SLC38A9: variants seen among roughly 807,000 people sequenced by gnomAD.
SLC38A9 encodes the protein solute carrier family 38 member 9.
In SLC38A9, 48 loss-of-function variants were observed where a neutral mutation model predicts 62.3. The ratio of observed to expected loss-of-function variants is 0.77; its 90% CI spans 0.61 to 0.98. The LOEUF (loss-of-function observed/expected upper bound fraction) is 0.98. Ranked by LOEUF, SLC38A9 falls within the 50% of genes least tolerant of loss-of-function variation. SLC38A9 has a pLI of 0.00. For synonymous variants in SLC38A9, 204 were observed against 227.7 expected, an observed-to-expected ratio of 0.90 and a Z score of 0.94; for missense variants, 541 against 679.8, an observed-to-expected ratio of 0.80 and a Z score of 2.27.
At position 55,649,287 on chromosome 5, in the gene SLC38A9, A is replaced by G. The variant is rs757597656; in HGVS notation, c.980T>C (p.Phe327Ser). ...GCGAACAGCCTTAAAGGTGACAAGG[A>G]AAATCAAATAAAGGACAGACACTGT... ...LGTVSVLYLI[F>S]LVTFKAVRLG... The change falls in exon 11 of 16, where the codon TTC (phenylalanine) becomes TCC (serine). Residue 327 changes from phenylalanine (F) to serine (S), a missense_variant. Physicochemically the swap from Phe to Ser is radical, Grantham distance 155. Transcript: ENST00000396865. 12 of 1,607,726 alleles carry G rather than the reference A, an allele frequency of 7.5e-6. No individual in the cohort carries two copies. Among genetic ancestry groups the G allele is most frequent in the African/African-American group, 1.3e-5 (1 of 74,786 alleles).
At chr5:55,692,229 G>A (rs1349722927) in intron 3 of SLC38A9, among the ~76,000 whole-genome samples, 3 of 152,100 alleles carry the variant, frequency 2.0e-5, no homozygotes. Context: ...GCTGGGTTGA[G>A]GCTAAATTAA....
At chr5:55,634,434 A>C (rs1744015973) in intron 13 of SLC38A9, 1 of 152,220 alleles carries the variant, frequency 6.6e-6, no homozygotes, top group Non-Finnish European at 1.5e-5. Context: ...AAAAGGATTT[A>C]TCTCTACTTC....
At chr5:55,630,308 TTTTG>T (rs1272417536) in intron 14 of SLC38A9, among the ~76,000 whole-genome samples, 8 of 152,082 alleles carry the variant, frequency 5.3e-5, no homozygotes, top group Admixed American at 2.0e-4. Flanking sequence ...TAAAGGGTTT[TTTTG>T]TTTGTTTGTT....
At chr5:55,652,425 G>T in intron 10 of SLC38A9, 104 bp downstream of exon 10, 1 of 397,580 alleles carries the variant, frequency 2.5e-6, no homozygotes, top group Non-Finnish European at 4.3e-6. Flanking sequence ...ATTAAACACA[G>T]ATGAACAGGC....
Position 55,645,843 on chromosome 5 carries a change from A to T in SLC38A9, c.1113T>A (p.Phe371Leu), listed in dbSNP as rs780690342. 16 of 1,610,958 alleles carry T rather than the reference A, an allele frequency of 9.9e-6. No individual in the cohort carries two copies. The South Asian group carries it at 1.1e-4, about 11-fold the overall frequency. The stretch of plus-strand genomic sequence containing the variant: ...AGAGTGTGATGATACAATTATGAAT[A>T]AAAAAAGCAAGGGTAAGCACTCCAG... ...QLTGVLTLAF[F>L]IHNCIITLLK... The change falls in exon 12 of 16, where the codon TTT (phenylalanine) becomes TTA (leucine). Residue 371 changes from phenylalanine (F) to leucine (L), a missense_variant. Coordinates refer to ENST00000396865, the MANE Select transcript of SLC38A9 (RefSeq NM_173514.4).
chr5:55,701,453 T>C (rs1375113618), intron 2 of SLC38A9, among the ~76,000 whole-genome samples: 1 of 152,246 alleles, frequency 6.6e-6, no homozygotes, highest in African/African-American at 2.4e-5. Flanking sequence ...TTTCTCACAG[T>C]CCACATTCAA....
intron 9 of SLC38A9, among the ~76,000 whole-genome samples, chr5:55,655,002 T>G (rs899228920): frequency 6.6e-6 from 1 of 152,090 alleles, no homozygotes; most frequent in Non-Finnish European, 1.5e-5. Context: ...TATGGCCAGC[T>G]AATTAAAAAT....
At chr5:55,669,664 C>T (rs1163998610) in intron 5 of SLC38A9, 44 bp from the exon 6 acceptor site, 2 of 1,591,204 alleles carry the variant, frequency 1.3e-6, no homozygotes, top group Admixed American at 1.8e-5. Flanking sequence ...GAGTTTCACT[C>T]TTCAAACATT....
At chr5:55,674,252 T>C (rs1329765963) in intron 3 of SLC38A9, among the ~76,000 whole-genome samples, 2 of 152,192 alleles carry the variant, frequency 1.3e-5, no homozygotes, top group Admixed American at 6.5e-5. Context: ...AGAGCACTTA[T>C]AGAGCAAATA....
intron 3 of SLC38A9, among the ~76,000 whole-genome samples, chr5:55,677,864 C>G: frequency 6.6e-6 from 1 of 151,258 alleles, no homozygotes; most frequent in Non-Finnish European, 1.5e-5. Context: ...TCTCCTTCCC[C>G]CAACAGAGAA....
chr5:55,639,171 G>C (rs1437609484), intron 12 of SLC38A9, among the ~76,000 whole-genome samples: 1 of 151,808 alleles, frequency 6.6e-6, no homozygotes, highest in African/African-American at 2.4e-5. Context: ...TACTTGGGAG[G>C]CTGAGGCAGG....
At chr5:55,693,027 G>C in intron 3 of SLC38A9, 1 of 983,226 alleles carries the variant, frequency 1.0e-6, no homozygotes, top group Non-Finnish European at 1.2e-6. Flanking sequence ...ATCAAGATTA[G>C]CTTAAACCAA....
rs899119355 is a variant in SLC38A9, at chr5:55,683,902, C to T, written c.114-11207G>A. On this transcript the variant is annotated intron_variant, in intron 3 of 15. Transcript: ENST00000396865. ...TGCATACATTTTTACTGATTATAAACGTGGTGTATACTCAATGGTAGCAGA... is the reference window on the plus strand; with the variant it reads ...TGCATACATTTTTACTGATTATAAATGTGGTGTATACTCAATGGTAGCAGA... Among the ~76,000 whole-genome samples the T allele has an allele frequency of 5.3e-5, 8 of 152,228 alleles. 1 individual carries two copies. The East Asian group carries it at 1.3e-3, about 26-fold the overall frequency.
chr5:55,653,005 C>T (rs972318822), intron 9 of SLC38A9, among the ~76,000 whole-genome samples: 12 of 152,056 alleles, frequency 7.9e-5, no homozygotes, highest in East Asian at 7.7e-4. Flanking sequence ...CTCGCTCTGT[C>T]GCCCAGGCTG....
At chr5:55,629,300 C>T (rs1156585553) in intron 14 of SLC38A9, among the ~76,000 whole-genome samples, 1 of 152,076 alleles carries the variant, frequency 6.6e-6, no homozygotes, top group Non-Finnish European at 1.5e-5. Flanking sequence ...AAGGCTTGAA[C>T]TTCTGGGCTC....
chr5:55,656,808 G>T, intron 8 of SLC38A9, 34 bp from the exon 9 acceptor site: 1 of 1,116,764 alleles, frequency 9.0e-7, no homozygotes, highest in South Asian at 1.4e-5. Flanking sequence ...GTTTAACACT[G>T]AATGAAAGAC....
intron 3 of SLC38A9, among the ~76,000 whole-genome samples, chr5:55,687,844 C>T (rs180877525): frequency 9.3e-4 from 141 of 152,086 alleles, no homozygotes; most frequent in African/African-American, 3.1e-3. Flanking sequence ...ACTATAGGTG[C>T]GTGTCACCAT....
intron 15 of SLC38A9, among the ~76,000 whole-genome samples, chr5:55,627,504 G>T (rs1318664327): frequency 6.6e-6 from 1 of 152,094 alleles, no homozygotes; most frequent in African/African-American, 2.4e-5. Context: ...AGTAGAAATG[G>T]ATTAAGGAAC....
intron 3 of SLC38A9, among the ~76,000 whole-genome samples, chr5:55,677,460 G>T (rs1752260603): frequency 6.6e-6 from 1 of 152,102 alleles, no homozygotes; most frequent in South Asian, 2.1e-4. Context: ...AAAGTGTTTA[G>T]TACTCCTCCA....
Sources: gnomAD v4.1 joint callset for allele counts (sites outside exome capture counted in the v4.1 genomes callset) on GRCh38, gnomAD v4.1.1 for gene constraint, MANE v1.5 for transcripts, NCBI Gene and HGNC (gene_info 2026-07-23, HGNC 2026-07-21) for gene names.